The following RBFOX1 variants were observed in gnomAD, a reference collection of about 807,000 sequenced individuals.
The protein encoded by RBFOX1 is RNA binding fox-1 homolog 1.
RBFOX1 carries 8 observed loss-of-function variants against 57.7 expected under a neutral mutation model. That is an observed-to-expected ratio of 0.14 (90% CI 0.08 to 0.25). The LOEUF (loss-of-function observed/expected upper bound fraction) is 0.25, where lower values mean the gene tolerates loss of function less well. Among genes scored for constraint, RBFOX1 ranks in the 10% least tolerant of loss-of-function variants. The pLI, the probability that RBFOX1 is intolerant of heterozygous loss-of-function variation, is 1.00. For synonymous variants in RBFOX1, 326 were observed against 222.4 expected, an observed-to-expected ratio of 1.47 and a Z score of -4.15; for missense variants, 611 against 548.5, an observed-to-expected ratio of 1.11 and a Z score of -1.14.
rs2058511477 is a variant in RBFOX1, at chr16:5,908,125, T to TATATATATACACATATATACACAC, written c.351+40813_351+40814insCATATATATACACATATATACACA. 5.4e-5 allele frequency among the ~76,000 whole-genome samples: 6 copies of TATATATATACACATATATACACAC among 111,154 alleles called. No individual in the cohort carries two copies. The South Asian group carries it at 1.8e-3, about 33-fold the overall frequency. The allele number at this position is 111,154 out of a possible 152,430, so 72.9% of individuals were successfully genotyped here. A position where few individuals can be genotyped will look rare whatever the true frequency, so the allele number is the denominator to read the frequency against. On this transcript the variant is annotated intron_variant, in intron 4 of 19. Coordinates refer to the RBFOX1 transcript ENST00000641259. ...ATATATATATACACATATATACACATATATATATACACATATATACACATA... is the reference window on the plus strand; with the variant it reads ...ATATATATATACACATATATACACATATATATATACACATATATACACACATATATATACACATATATACACATA...
intron 1 of RBFOX1, among the ~76,000 whole-genome samples, chr16:5,263,713 G>T (rs2062791447): frequency 6.6e-6 from 1 of 152,110 alleles, no homozygotes; most frequent in Non-Finnish European, 1.5e-5. Flanking sequence ...TGATCTAGGG[G>T]TGAGATGGAA....
intron 1 of RBFOX1, among the ~76,000 whole-genome samples, chr16:5,405,722 G>T (rs80134647): frequency 6.6e-6 from 1 of 152,216 alleles, no homozygotes; most frequent in Admixed American, 6.5e-5. Flanking sequence ...GCGGGGATAA[G>T]TTATTGTTGG....
At chr16:6,459,752 G>A (rs6500785) in intron 2 of RBFOX1, among the ~76,000 whole-genome samples, 48,035 of 151,442 alleles carry the variant, frequency 0.32, 8,015 homozygotes, top group Non-Finnish European at 0.37. Flanking sequence ...TGAGGTGGGC[G>A]GATCACCTGA....
chr16:6,192,096 G>A (rs1423083176), intron 1 of RBFOX1, among the ~76,000 whole-genome samples: 7 of 152,144 alleles, frequency 4.6e-5, no homozygotes, highest in Non-Finnish European at 8.8e-5. Context: ...TCTGCCTCCT[G>A]CTACCTCCTG....
chr16:7,188,360 G>T (rs1326966841), intron 4 of RBFOX1, among the ~76,000 whole-genome samples: 2 of 152,200 alleles, frequency 1.3e-5, no homozygotes, highest in African/African-American at 2.4e-5. Flanking sequence ...AGAATGTTCT[G>T]ATATTTTCTG....
intron 4 of RBFOX1, among the ~76,000 whole-genome samples, chr16:7,064,536 A>G (rs1445471043): frequency 6.6e-6 from 1 of 152,080 alleles, no homozygotes; most frequent in Non-Finnish European, 1.5e-5. Context: ...TACATGACCC[A>G]AAGGGAGATG....
At chr16:6,988,091 A>G (rs2090687069) in intron 3 of RBFOX1, among the ~76,000 whole-genome samples, 1 of 151,834 alleles carries the variant, frequency 6.6e-6, no homozygotes. Context: ...AAAACCAAGA[A>G]TCAAATGTGG....
At chr16:6,861,276 A>G (rs1356891455) in intron 3 of RBFOX1, among the ~76,000 whole-genome samples, 4 of 152,140 alleles carry the variant, frequency 2.6e-5, no homozygotes, top group Admixed American at 1.3e-4. Flanking sequence ...AGTCTTTGCA[A>G]AAGGGTTTTA....
At chr16:6,461,994 A>G (rs752138517) in intron 2 of RBFOX1, among the ~76,000 whole-genome samples, 1 of 152,194 alleles carries the variant, frequency 6.6e-6, no homozygotes, top group Non-Finnish European at 1.5e-5. Context: ...GCATCTTTCT[A>G]GAAGGAAAGA....
chr16:6,330,447 G>T (rs575451063), intron 2 of RBFOX1, among the ~76,000 whole-genome samples: 1 of 152,154 alleles, frequency 6.6e-6, no homozygotes, highest in Non-Finnish European at 1.5e-5. Flanking sequence ...CACTATGAAG[G>T]CTTTGAAAAG....
intron 2 of RBFOX1, among the ~76,000 whole-genome samples, chr16:6,543,428 C>G (rs1047862898): frequency 5.9e-5 from 9 of 152,144 alleles, no homozygotes; most frequent in Admixed American, 4.6e-4. Flanking sequence ...TGGCCTGATT[C>G]AAGCCTGCTT....
At chr16:5,780,616 C>G (rs557788657) in intron 3 of RBFOX1, among the ~76,000 whole-genome samples, 17 of 152,196 alleles carry the variant, frequency 1.1e-4, no homozygotes, top group African/African-American at 3.9e-4. Context: ...CCTGGGGAGA[C>G]AGACATTTAA....
At chr16:5,710,554 T>C (rs2051447771) in intron 3 of RBFOX1, among the ~76,000 whole-genome samples, 2 of 152,220 alleles carry the variant, frequency 1.3e-5, no homozygotes, top group Admixed American at 1.3e-4. Flanking sequence ...TCAAGGCAGC[T>C]TCCCAATTAA....
chr16:6,505,704 G>C (rs971466526), intron 2 of RBFOX1, among the ~76,000 whole-genome samples: 6 of 152,184 alleles, frequency 3.9e-5, no homozygotes, highest in East Asian at 1.9e-4. Context: ...AAAAAGTGTA[G>C]TACTCTTTGG....
Position 6,033,241 on chromosome 16 carries a change from C to T in RBFOX1, c.-127+13249C>T, listed in dbSNP as rs567473342. Among the ~76,000 whole-genome samples the T allele has an allele frequency of 4.4e-4, 67 of 152,248 alleles. 1 individual carries two copies. Among genetic ancestry groups the T allele is most frequent in the Admixed American group, 2.3e-3 (35 of 15,304 alleles). The stretch of plus-strand genomic sequence containing the variant: ...TTTTAAGCAAGGGATAATTTGCCAG[C>T]ATGTAGTGCAAGAGAGGTAGGGTCG... On this transcript the variant is annotated intron_variant, in intron 1 of 15. Coordinates refer to ENST00000550418, the MANE Select transcript of RBFOX1 (RefSeq NM_018723.4).
chr16:6,397,070 C>CCCATAT (rs1242993625), intron 2 of RBFOX1, among the ~76,000 whole-genome samples: 2 of 151,910 alleles, frequency 1.3e-5, no homozygotes, highest in Non-Finnish European at 2.9e-5. Context: ...GGGATAATAT[C>CCCATAT]AAATGTATAC....
At chr16:6,823,087 G>T (rs1603629038) in intron 3 of RBFOX1, among the ~76,000 whole-genome samples, 1 of 152,026 alleles carries the variant, frequency 6.6e-6, no homozygotes, top group African/African-American at 2.4e-5. Flanking sequence ...TTTTACAGAT[G>T]GGAGACTGAG....
chr16:6,503,595 C>T (rs1037931300), intron 2 of RBFOX1, among the ~76,000 whole-genome samples: 1 of 152,132 alleles, frequency 6.6e-6, no homozygotes, highest in Non-Finnish European at 1.5e-5. Context: ...TTATTTGTGG[C>T]CTTTTCGGCA....
chr16:6,474,667 C>T (rs113531919), intron 2 of RBFOX1, among the ~76,000 whole-genome samples: 93 of 152,092 alleles, frequency 6.1e-4, no homozygotes, highest in African/African-American at 2.0e-3. Flanking sequence ...GCCAGGGAAA[C>T]GGTTATTGAA....
Sources: allele counts gnomAD v4.1 joint callset (sites outside exome capture counted in the v4.1 genomes callset), GRCh38; gene constraint gnomAD v4.1.1; transcripts MANE v1.5; gene names NCBI Gene and HGNC (gene_info 2026-07-23, HGNC 2026-07-21).